The following LSM14B variants were observed in gnomAD, a reference collection of about 807,000 sequenced individuals.
The protein encoded by LSM14B is LSM family member 14B.
Under a neutral mutation model 42.1 loss-of-function variants are expected in LSM14B, and 8 were observed. The observed-to-expected ratio is 0.19, with a 90% CI of 0.11 to 0.34. LSM14B has a LOEUF of 0.34. Ranked by LOEUF, LSM14B falls within the 10% of genes least tolerant of loss-of-function variation. The pLI, the probability that LSM14B is intolerant of heterozygous loss-of-function variation, is 1.00. For missense variants in LSM14B, 396 were observed against 513.1 expected (o/e 0.77, Z 2.21); for synonymous variants, 219 against 209.7 (o/e 1.04, Z -0.38).
At chr20:62,129,403 G>C (rs911505067) in intron 3 of LSM14B, among the ~76,000 whole-genome samples, 15 of 152,196 alleles carry the variant, frequency 9.9e-5, no homozygotes, top group African/African-American at 3.6e-4. Flanking sequence ...GGATCTTGGG[G>C]CTGCTGAGCT....
In LSM14B at chr20:62,131,381, G is replaced by A. The variant is rs775627759; in HGVS notation, c.861G>A (p.Glu287=). ...FKDDKAEKGE[E]KDLAVVTQSA... ...ATGACAAGGCTGAGAAGGGGGAAGA[G>A]AAGGACCTGGCTGTGGTGACCCAGA... The change falls in exon 7 of 9, where the codon GAG becomes GAA. Residue 287 remains glutamate (E), a synonymous_variant. Transcript: ENST00000279068. 1 of 1,607,214 alleles carries A rather than the reference G, an allele frequency of 6.2e-7. No homozygotes were observed. Among genetic ancestry groups the A allele is most frequent in the Non-Finnish European group, 8.5e-7 (1 of 1,176,356 alleles).
chr20:62,123,709 G>T (rs1163126414), intron 1 of LSM14B, among the ~76,000 whole-genome samples: 1 of 152,248 alleles, frequency 6.6e-6, no homozygotes, highest in African/African-American at 2.4e-5. Context: ...AGGGGTTCTT[G>T]AAGTGTCTAG....
rs2056824745 is a variant in LSM14B, at chr20:62,133,463, G to A, written c.*2G>A. The A allele has an allele frequency of 6.2e-7, 1 of 1,611,712 alleles. No homozygotes were observed. Among genetic ancestry groups the A allele is most frequent in the Non-Finnish European group, 8.5e-7 (1 of 1,179,180 alleles). On this transcript the variant is annotated 3_prime_UTR_variant, in exon 8 of 9. Transcript: ENST00000279068. ...AGGGCCGGGACTGGCAGGGTGTGAG[G>A]GTGCAGCCAAAGGTGAGTGGATGAA...
At chr20:62,126,462 GTAAAC>G in intron 3 of LSM14B, 23 bp downstream of exon 3, 1 of 1,603,046 alleles carries the variant, frequency 6.2e-7, no homozygotes, top group Non-Finnish European at 8.5e-7. Flanking sequence ...TTTCTGTCTG[GTAAAC>G]TACCCTTGCG....
Position 62,133,367 on chromosome 20 carries a change from G to T in LSM14B, c.1064G>T (p.Gly355Val). ...GGGGTGTCAGGGAGGTTTCTTCGTGGCCGCAGTTCTCGGGGCGGATTCCGA... is the reference window on the plus strand; with the variant it reads ...GGGGTGTCAGGGAGGTTTCTTCGTGTCCGCAGTTCTCGGGGCGGATTCCGA... ...TFGVSGRFLRGRSSRGGFRGG... is the reference protein window; with the variant it reads ...TFGVSGRFLRVRSSRGGFRGG... Residue 355 changes from glycine to valine, a missense_variant, in exon 8 of 9, where the codon GGC becomes GTC. Physicochemically the swap from Gly to Val is moderately radical, Grantham distance 109. This residue lies in a region of LSM14B where 118 missense variants were observed against 156.4 expected (regional missense o/e 0.75). Transcript: ENST00000279068. 6.2e-7 allele frequency: 1 copy of T among 1,613,290 alleles called. No homozygotes were observed. Among genetic ancestry groups the T allele is most frequent in the Non-Finnish European group, 8.5e-7 (1 of 1,179,554 alleles).
At chr20:62,134,015 A>G in intron 8 of LSM14B, 148 bp from the exon 9 acceptor site, 1 of 350,720 alleles carries the variant, frequency 2.9e-6, no homozygotes, top group South Asian at 2.1e-5. Flanking sequence ...TTGTACAAGT[A>G]GGATTCTCAG....
At chr20:62,133,515 G>A (rs536795654) in intron 8 of LSM14B, 40 bp downstream of exon 8, 208 of 1,586,734 alleles carry the variant, frequency 1.3e-4, no homozygotes, top group Non-Finnish European at 1.7e-4. Flanking sequence ...GTGGGAGGGT[G>A]TAGGGTCAGG....
intron 2 of LSM14B, 86 bp downstream of exon 2, chr20:62,124,866 CA>C: frequency 1.4e-5 from 17 of 1,258,000 alleles, no homozygotes; most frequent in Non-Finnish European, 1.8e-5. Context: ...TCAGAACGCT[CA>C]ATGTGAGGAA....
chr20:62,124,789 G>A lies in LSM14B; in HGVS notation c.291+9G>A, dbSNP rs781373784. The A allele has an allele frequency of 2.5e-6, 4 of 1,609,970 alleles. No homozygotes were observed. In the African/African-American group the frequency reaches 5.3e-5, roughly 21 times the overall value. On this transcript the variant is annotated intron_variant, in intron 2 of 8. Transcript: ENST00000279068. ...ATCCCGCCATTGTTCAGGTAAGTGT[G>A]CCACTGTCCCTCTGTGCATGCTGTA...
intron 3 of LSM14B, chr20:62,128,986 A>G (rs1200033196): frequency 2.3e-6 from 3 of 1,304,086 alleles, no homozygotes; most frequent in Non-Finnish European, 3.0e-6. Flanking sequence ...TCCTGTTTAG[A>G]GTCCCTACAG....
intron 2 of LSM14B, 70 bp from the exon 3 acceptor site, chr20:62,126,234 G>A: frequency 1.2e-6 from 2 of 1,608,560 alleles, no homozygotes; most frequent in Non-Finnish European, 8.5e-7. Context: ...AGCTGAACAA[G>A]CGCCCTGATG....
In LSM14B at chr20:62,134,280, T is replaced by TA. The variant is rs1232261491; in HGVS notation, c.*133dup. 8 of 471,774 alleles carry TA rather than the reference T, an allele frequency of 1.7e-5. No homozygotes were observed. Among genetic ancestry groups the TA allele is most frequent in the Non-Finnish European group, 3.1e-5 (7 of 227,224 alleles). The allele number at this position is 471,774 out of a possible 1,614,324, so 29.2% of individuals were successfully genotyped here. On this transcript the variant is annotated 3_prime_UTR_variant, in exon 9 of 9. Transcript: ENST00000279068. ...GGAGTTTGGAAGAGACCCATACTGC[T>TA]ACTTGTGTTTTGGACTTAACTGAAC...
chr20:62,127,870 G>T (rs766661178), intron 3 of LSM14B: 1 of 717,036 alleles, frequency 1.4e-6, no homozygotes, highest in Admixed American at 2.0e-5. Flanking sequence ...TGAACTCTCA[G>T]TGTTAAAGAA....
At chr20:62,127,667 C>T (rs1298624398) in intron 3 of LSM14B, 2 of 1,550,938 alleles carry the variant, frequency 1.3e-6, no homozygotes, top group Non-Finnish European at 8.7e-7. Context: ...CAGAGCTTGA[C>T]TTGTCCTCAG....
At position 62,122,824 on chromosome 20, in the gene LSM14B, A is replaced by G; in HGVS notation, c.127+31A>G. On this transcript the variant is annotated intron_variant, in intron 1 of 8. Coordinates refer to ENST00000279068, the MANE Select transcript of LSM14B (RefSeq NM_144703.3). The surrounding 1 kb of genome is among the most constrained non-coding windows in gnomAD (Gnocchi z 4.6). ...GGCCGCCGCCCGCCCGAGCCCGCTG[A>G]CCCCCGTCCGCCAACAGCCCCGGCC... 1 of 1,459,500 alleles carries G rather than the reference A, an allele frequency of 6.9e-7. No homozygotes were observed. The highest frequency in any genetic ancestry group is 9.1e-7 in the Non-Finnish European group (1 of 1,092,912). 90.4% of individuals were successfully genotyped at this position (1,459,500 alleles called of 1,614,324 possible). A position where few individuals can be genotyped will look rare whatever the true frequency, so the allele number is the denominator to read the frequency against.
At position 62,133,215 on chromosome 20, in the gene LSM14B, C is replaced by T. The variant is rs910664254; in HGVS notation, c.987-75C>T. On this transcript the variant is annotated intron_variant, in intron 7 of 8. Coordinates refer to ENST00000279068, the MANE Select transcript of LSM14B (RefSeq NM_144703.3). ...TGAGTCTGTCCCTCCTTCCCTGGGC[C>T]GCTCTGAGGACGAGGCCTGGCCAGA... The T allele has an allele frequency of 4.2e-5, 65 of 1,557,328 alleles. No individual in the cohort carries two copies. The African/African-American group carries it at 6.0e-4, about 14-fold the overall frequency.
intron 6 of LSM14B, 74 bp from the exon 7 acceptor site, chr20:62,131,282 G>C (rs954776646): frequency 8.0e-6 from 12 of 1,505,596 alleles, no homozygotes; most frequent in Middle Eastern, 3.9e-4. Flanking sequence ...GAGTGAGCCC[G>C]GAGGGACCAC....
At chr20:62,126,782 A>G in intron 3 of LSM14B, among the ~76,000 whole-genome samples, 1 of 152,294 alleles carries the variant, frequency 6.6e-6, no homozygotes, top group East Asian at 1.9e-4. Context: ...GTGGATCACA[A>G]GGTCAGGAGT....
Position 62,129,568 on chromosome 20 carries a change from C to T in LSM14B, c.428-217C>T, listed in dbSNP as rs186291131. Among the ~76,000 whole-genome samples, 72 of 152,270 alleles carry T rather than the reference C, an allele frequency of 4.7e-4. No homozygotes were observed. The East Asian group carries it at 0.013, about 27-fold the overall frequency. On this transcript the variant is annotated intron_variant, in intron 3 of 8. Coordinates refer to ENST00000279068, the MANE Select transcript of LSM14B (RefSeq NM_144703.3). ...GTGGGGAGTCCAAAGATGAACTGGC[C>T]TTGGTGCTGCCCAGTGACTCTTGGC...
Sources: allele counts gnomAD v4.1 joint callset (sites outside exome capture counted in the v4.1 genomes callset), GRCh38; gene constraint gnomAD v4.1.1; regional missense constraint gnomAD v4.1.1; non-coding constraint Gnocchi (gnomAD v3.1); transcripts MANE v1.5; gene names NCBI Gene and HGNC (gene_info 2026-07-23, HGNC 2026-07-21).